Variants in SCFD2 observed in about 807,000 individuals in gnomAD.
SCFD2 encodes sec1 family domain-containing protein 2.
SCFD2 carries 54 observed loss-of-function variants against 58.9 expected under a neutral mutation model. That is an observed-to-expected ratio of 0.92 (90% CI 0.74 to 1.15). SCFD2 has a LOEUF of 1.15. SCFD2 is among the 50% of genes most tolerant of loss of function. The pLI is 0.00. For synonymous variants in SCFD2, 321 were observed against 335.9 expected (o/e 0.96, Z 0.49); for missense variants, 805 against 836.6 (o/e 0.96, Z 0.47).
chr4:52,985,278 C>A (rs1342266971), intron 5 of SCFD2, among the ~76,000 whole-genome samples: 1 of 152,170 alleles, frequency 6.6e-6, no homozygotes, highest in Admixed American at 6.5e-5. Context: ...AACACAGAAA[C>A]AGCCAGCATT....
chr4:52,948,685 G>A, intron 5 of SCFD2: 1 of 365,300 alleles, frequency 2.7e-6, no homozygotes, highest in Non-Finnish European at 5.6e-6. Context: ...AACTCTGGAG[G>A]ATGCAGCCAT....
chr4:52,947,301 G>A (rs544664330), intron 5 of SCFD2, among the ~76,000 whole-genome samples: 5 of 152,164 alleles, frequency 3.3e-5, no homozygotes, highest in African/African-American at 1.2e-4. Flanking sequence ...TATTTAGAGC[G>A]AGCTCCGGCC....
chr4:52,979,717 A>T (rs1398943518), intron 5 of SCFD2, among the ~76,000 whole-genome samples: 1 of 152,188 alleles, frequency 6.6e-6, no homozygotes, highest in African/African-American at 2.4e-5. Flanking sequence ...CAAAATCACT[A>T]ATCTGAAATC....
At chr4:53,206,306 A>G (rs1448203249) in intron 4 of SCFD2, among the ~76,000 whole-genome samples, 2 of 152,156 alleles carry the variant, frequency 1.3e-5, no homozygotes, top group Admixed American at 6.5e-5. Context: ...ATGACATTTA[A>G]TTTAAAAAAT....
At chr4:52,895,255 G>A (rs1283948983) in intron 7 of SCFD2, among the ~76,000 whole-genome samples, 1 of 151,860 alleles carries the variant, frequency 6.6e-6, no homozygotes, top group Non-Finnish European at 1.5e-5. Context: ...TGTGCCATGT[G>A]GGTGTGCTGC....
At chr4:53,201,791 T>C (rs1047563694) in intron 4 of SCFD2, among the ~76,000 whole-genome samples, 1 of 152,236 alleles carries the variant, frequency 6.6e-6, no homozygotes, top group Non-Finnish European at 1.5e-5. Context: ...ATGAGCATTT[T>C]TTCATGTGTT....
At chr4:53,210,029 A>G (rs1428105485) in intron 4 of SCFD2, among the ~76,000 whole-genome samples, 1 of 152,074 alleles carries the variant, frequency 6.6e-6, no homozygotes, top group Non-Finnish European at 1.5e-5. Flanking sequence ...CCTTATCACC[A>G]TGGATAAGAA....
intron 5 of SCFD2, among the ~76,000 whole-genome samples, chr4:53,074,189 G>T (rs1462516240): frequency 6.6e-6 from 1 of 152,162 alleles, no homozygotes; most frequent in Non-Finnish European, 1.5e-5. Context: ...GCCAGAAGTA[G>T]ATTCCATCTC....
At chr4:53,299,417 C>G (rs1732183597) in intron 3 of SCFD2, among the ~76,000 whole-genome samples, 2 of 152,152 alleles carry the variant, frequency 1.3e-5, no homozygotes, top group South Asian at 4.2e-4. Flanking sequence ...AAGAAACGAA[C>G]AAAGCCTCCA....
intron 2 of SCFD2, 24 bp downstream of exon 2, chr4:53,352,574 G>A (rs767216809): frequency 1.3e-6 from 2 of 1,571,404 alleles, no homozygotes; most frequent in African/African-American, 1.3e-5. Flanking sequence ...AGAAAGATAA[G>A]ATGACAAAAA....
At chr4:53,245,472 T>C (rs1316841981) in intron 4 of SCFD2, among the ~76,000 whole-genome samples, 1 of 152,118 alleles carries the variant, frequency 6.6e-6, no homozygotes, top group African/African-American at 2.4e-5. Context: ...TCAATAAACA[T>C]GATTCATCAT....
chr4:53,220,872 G>A (rs1236002053), intron 4 of SCFD2, among the ~76,000 whole-genome samples: 2 of 152,176 alleles, frequency 1.3e-5, no homozygotes, highest in Non-Finnish European at 2.9e-5. Flanking sequence ...TACATGCAGG[G>A]ATATTTGAAA....
chr4:53,226,303 TGGGGGGGA>T (rs1271825020), intron 4 of SCFD2, among the ~76,000 whole-genome samples: 1 of 151,946 alleles, frequency 6.6e-6, no homozygotes, highest in Non-Finnish European at 1.5e-5. Flanking sequence ...ATTATTTTTA[TGGGGGGGA>T]GGGGACTAAT....
chr4:53,116,411 G>A (rs939910672), intron 5 of SCFD2, among the ~76,000 whole-genome samples: 1 of 152,140 alleles, frequency 6.6e-6, no homozygotes, highest in Non-Finnish European at 1.5e-5. Context: ...TAATGTACTG[G>A]CTGTTAAAAG....
intron 5 of SCFD2, among the ~76,000 whole-genome samples, chr4:52,925,355 CAT>C (rs35698588): frequency 0.21 from 30,256 of 142,598 alleles, 3,570 homozygotes; most frequent in East Asian, 0.49. Flanking sequence ...TATATATATA[CAT>C]ATATATATAT....
At chr4:52,876,756 GAAAAAAAA>G (rs761229349) in intron 8 of SCFD2, among the ~76,000 whole-genome samples, 5 of 54,394 alleles carry the variant, frequency 9.2e-5, no homozygotes, top group African/African-American at 1.4e-4. Context: ...TCTCTGTCTC[GAAAAAAAA>G]AAAAAAAAAA....
intron 3 of SCFD2, among the ~76,000 whole-genome samples, chr4:53,279,871 A>G (rs1171297456): frequency 6.6e-6 from 1 of 152,114 alleles, no homozygotes; most frequent in African/African-American, 2.4e-5. Flanking sequence ...TAAAACCATC[A>G]TGTCTTGTGA....
At chr4:53,316,550 G>C (rs909834199) in intron 2 of SCFD2, among the ~76,000 whole-genome samples, 1 of 152,094 alleles carries the variant, frequency 6.6e-6, no homozygotes, top group African/African-American at 2.4e-5. Flanking sequence ...TATTACTGTT[G>C]TTATAAGTGG....
Position 52,873,270 on chromosome 4 carries a change from G to A in SCFD2, c.*699C>T, listed in dbSNP as rs762004001. The A allele has an allele frequency of 2.0e-5, 3 of 152,172 alleles. No individual in the cohort carries two copies. Among genetic ancestry groups the A allele is most frequent in the Non-Finnish European group, 2.9e-5 (2 of 68,030 alleles). The allele number at this position is 152,172 out of a possible 1,614,324, so 9.4% of individuals were successfully genotyped here. A position where few individuals can be genotyped will look rare whatever the true frequency, so the allele number is the denominator to read the frequency against. ...TTGTACTGGAGTCTTTCTTTGGAGGGGAGAAAACCTTTTATATACAGATAA... is the reference window on the plus strand; with the variant it reads ...TTGTACTGGAGTCTTTCTTTGGAGGAGAGAAAACCTTTTATATACAGATAA... On this transcript the variant is annotated 3_prime_UTR_variant, in exon 9 of 9. Transcript: ENST00000401642.
Sources: gnomAD v4.1 joint callset for allele counts (sites outside exome capture counted in the v4.1 genomes callset) on GRCh38, gnomAD v4.1.1 for gene constraint, MANE v1.5 for transcripts, NCBI Gene and HGNC (gene_info 2026-07-23, HGNC 2026-07-21) for gene names.